The following SFRP4 variants were observed in gnomAD, a reference collection of about 807,000 sequenced individuals.
SFRP4 encodes secreted frizzled related protein 4, also known as secreted frizzled-related protein 4.
Under a neutral mutation model 36.3 loss-of-function variants are expected in SFRP4, and 25 were observed. The observed-to-expected ratio is 0.69, with a 90% CI of 0.50 to 0.96. The LOEUF (loss-of-function observed/expected upper bound fraction) is 0.96. Ranked by LOEUF, SFRP4 falls within the 40% of genes least tolerant of loss-of-function variation. The pLI is 0.00. For missense variants in SFRP4, 487 were observed against 459.6 expected, an observed-to-expected ratio of 1.06 and a Z score of -0.54; for synonymous variants, 182 against 168.8, an observed-to-expected ratio of 1.08 and a Z score of -0.60.
At position 37,914,281 on chromosome 7, in the gene SFRP4, A is replaced by G. The variant is rs754471930; in HGVS notation, c.527-3T>C. 11 of 1,613,396 alleles carry G rather than the reference A, an allele frequency of 6.8e-6. No individual in the cohort carries two copies. In the East Asian group the frequency reaches 2.5e-4, roughly 36 times the overall value. On this transcript the variant is annotated splice_polypyrimidine_tract_variant and splice_region_variant and intron_variant, in intron 2 of 5. Transcript: ENST00000436072. ...CACCTTTTTACACTTGCACCGATCT[A>G]AAAAAGGCAGAAGAGGCAGAAAGTT...
chr7:37,914,262 T>C lies in SFRP4; in HGVS notation c.543A>G (p.Lys181=). ...ACGTTGCCAAAGTTGGCTTCACCTT[T>C]TTACACTTGCACCGATCTAAAAAAG... ...KRLSPDRCKC[K]KVKPTLATYL... is the part of the protein sequence containing the mutation. Residue 181 remains lysine (K), a synonymous_variant, in exon 3 of 6, where the codon AAA becomes AAG. Transcript: ENST00000436072. 6.2e-7 allele frequency: 1 copy of C among 1,614,196 alleles called. No homozygotes were observed. Among genetic ancestry groups the C allele is most frequent in the South Asian group, 1.1e-5 (1 of 91,078 alleles).
chr7:37,915,051 A>G (rs1162390230), intron 1 of SFRP4, among the ~76,000 whole-genome samples: 3 of 152,202 alleles, frequency 2.0e-5, no homozygotes, highest in Admixed American at 6.5e-5. Flanking sequence ...ACCAAACTGG[A>G]TAAATCACAT....
chr7:37,907,638 C>T lies in SFRP4; in HGVS notation c.882G>A (p.Gln294=). ...TCTTCTTGTCCTGAACTGTTCTCCG[C>T]TGTTCCTGCAGCCTCTCTTCCCACT... ...SIQWEERLQE[Q]RRTVQDKKKT... is the part of the protein sequence containing the mutation. Residue 294 remains glutamine, a synonymous_variant, in exon 6 of 6, where the codon CAG becomes CAA. Transcript: ENST00000436072. The T allele has an allele frequency of 1.9e-6, 3 of 1,612,116 alleles. No homozygotes were observed. Among genetic ancestry groups the T allele is most frequent in the Non-Finnish European group, 2.5e-6 (3 of 1,179,408 alleles).
chr7:37,916,694 G>C lies in SFRP4; in HGVS notation c.-157C>G. 8.5e-7 allele frequency: 1 copy of C among 1,177,160 alleles called. No individual in the cohort carries two copies. The highest frequency in any genetic ancestry group is 1.2e-6 in the Non-Finnish European group (1 of 860,760). The allele number at this position is 1,177,160 out of a possible 1,614,324, so 72.9% of individuals were successfully genotyped here. The stretch of plus-strand genomic sequence containing the variant: ...CCAGTCGGCAGCAAAGCGGGGCCGC[G>C]GGGTCCGGCCGCGGAGCTCCGCCGT... On this transcript the variant is annotated 5_prime_UTR_variant, in exon 1 of 6. Coordinates refer to ENST00000436072, the MANE Select transcript of SFRP4 (RefSeq NM_003014.4). The surrounding 1 kb of genome is among the most constrained non-coding windows in gnomAD (Gnocchi z 4.1).
chr7:37,916,304 AC>A lies in SFRP4; in HGVS notation c.233del (p.Cys78LeufsTer35), dbSNP rs1281712747. 2 of 1,614,144 alleles carry A rather than the reference AC, an allele frequency of 1.2e-6. No homozygotes were observed. Among genetic ancestry groups the A allele is most frequent in the Non-Finnish European group, 1.7e-6 (2 of 1,180,012 alleles). ...NCSAVLRFFL[C>X]AMYAPICTLE... ...GGGTGCAAATGGGCGCGTACATGGC[AC>A]AGAGGAAGAAGCGCAGCACGGCGCT... On this transcript the variant is annotated frameshift_variant, in exon 1 of 6. Coordinates refer to ENST00000436072, the MANE Select transcript of SFRP4 (RefSeq NM_003014.4). LOFTEE classifies it high-confidence loss of function. This position sits in a 1 kb window ranked among gnomAD's most constrained non-coding sequence, Gnocchi z 4.1.
intron 3 of SFRP4, among the ~76,000 whole-genome samples, chr7:37,912,521 G>A (rs1040498753): frequency 6.6e-6 from 1 of 152,160 alleles, no homozygotes; most frequent in African/African-American, 2.4e-5. Context: ...TGTCTTAAAT[G>A]TTCCGGGGCA....
At position 37,912,444 on chromosome 7, in the gene SFRP4, GCC is replaced by G. The variant is rs1303497576; in HGVS notation, c.593-129_593-128del. The stretch of plus-strand genomic sequence containing the variant: ...CTGTAATTATGGTTATGTCCAAGTG[GCC>G]TGAGTGCAGGCAAACAGCCCACACA... On this transcript the variant is annotated intron_variant, in intron 3 of 5. Transcript: ENST00000436072. The G allele has an allele frequency of 2.7e-5, 20 of 730,802 alleles. No homozygotes were observed. The East Asian group carries it at 4.9e-4, about 18-fold the overall frequency. 45.3% of individuals were successfully genotyped at this position (730,802 alleles called of 1,614,324 possible). A position where few individuals can be genotyped will look rare whatever the true frequency, so the allele number is the denominator to read the frequency against.
chr7:37,911,365 A>T (rs1785482621), intron 4 of SFRP4, among the ~76,000 whole-genome samples: 1 of 152,328 alleles, frequency 6.6e-6, no homozygotes, highest in East Asian at 1.9e-4. Flanking sequence ...AATGGGAGGG[A>T]TGCCTTGTTA....
intron 3 of SFRP4, among the ~76,000 whole-genome samples, 199 bp downstream of exon 3, chr7:37,914,014 T>C (rs1301361128): frequency 5.3e-5 from 8 of 152,250 alleles, no homozygotes; most frequent in Non-Finnish European, 1.2e-4. Context: ...TGTTTGCACT[T>C]GATTCATCCA....
In SFRP4 at chr7:37,907,429, G is replaced by T; in HGVS notation, c.*50C>A. ...CATAGGCTGTCCCAGGCAATGCCCA[G>T]CCTCATCCTGTAAGGAAGTCGGAAG... On this transcript the variant is annotated 3_prime_UTR_variant, in exon 6 of 6. Transcript: ENST00000436072. 1 of 1,542,964 alleles carries T rather than the reference G, an allele frequency of 6.5e-7. No homozygotes were observed. The highest frequency in any genetic ancestry group is 8.9e-7 in the Non-Finnish European group (1 of 1,128,762).
At position 37,915,654 on chromosome 7, in the gene SFRP4, G is replaced by A. The variant is rs534591993; in HGVS notation, c.445+439C>T. 2.8e-5 allele frequency among the ~76,000 whole-genome samples: 3 copies of A among 106,076 alleles called. No homozygotes were observed. The South Asian group carries it at 1.3e-3, about 46-fold the overall frequency. The allele number at this position is 106,076 out of a possible 152,430, so 69.6% of individuals were successfully genotyped here. A position where few individuals can be genotyped will look rare whatever the true frequency, so the allele number is the denominator to read the frequency against. On this transcript the variant is annotated intron_variant, in intron 1 of 5. Transcript: ENST00000436072. ...CTGGTGGGAAGCAATGACCGTTACT[G>A]CTTTTTCAGAAAAAAAAAAACTTTT...
chr7:37,912,049 A>G, intron 4 of SFRP4, 70 bp downstream of exon 4: 1 of 1,217,438 alleles, frequency 8.2e-7, no homozygotes. Context: ...TTTTTAAACC[A>G]TGACTGCTAA....
chr7:37,916,779 G>A lies in SFRP4; in HGVS notation c.-242C>T, dbSNP rs910509669. The A allele has an allele frequency of 4.9e-6, 3 of 606,498 alleles. No individual in the cohort carries two copies. Among genetic ancestry groups the A allele is most frequent in the Non-Finnish European group, 8.6e-6 (3 of 347,002 alleles). 37.6% of individuals were successfully genotyped at this position (606,498 alleles called of 1,614,324 possible). On this transcript the variant is annotated 5_prime_UTR_variant, in exon 1 of 6. Transcript: ENST00000436072. The surrounding 1 kb of genome is among the most constrained non-coding windows in gnomAD (Gnocchi z 4.1). ...GCCTTCGGGGCGCGAACCCGCCCGG[G>A]CAGCTCCAGTCCCGGACTCCGCAGC...
intron 1 of SFRP4, among the ~76,000 whole-genome samples, chr7:37,915,001 G>A (rs1286065556): frequency 1.3e-5 from 2 of 152,152 alleles, no homozygotes; most frequent in Non-Finnish European, 2.9e-5. Flanking sequence ...AGCACAAATC[G>A]ATGTGAATGT....
At chr7:37,909,462 A>G (rs957625123) in intron 5 of SFRP4, among the ~76,000 whole-genome samples, 155 bp downstream of exon 5, 31 of 152,292 alleles carry the variant, frequency 2.0e-4, no homozygotes, top group African/African-American at 6.3e-4. Context: ...GAGAATAGCT[A>G]CACTCTTAAC....
intron 5 of SFRP4, among the ~76,000 whole-genome samples, chr7:37,909,112 G>A (rs2722322): frequency 0.22 from 32,690 of 151,918 alleles, 3,890 homozygotes; most frequent in South Asian, 0.4. Context: ...ATATTTCTAC[G>A]ATGTTACCAC....
chr7:37,913,248 T>A (rs914174123), intron 3 of SFRP4, among the ~76,000 whole-genome samples: 5 of 152,222 alleles, frequency 3.3e-5, no homozygotes, highest in African/African-American at 1.2e-4. Flanking sequence ...TAAATATGAT[T>A]CTTAAATCTG....
chr7:37,907,613 T>C lies in SFRP4; in HGVS notation c.907A>G (p.Lys303Glu). 6.2e-7 allele frequency: 1 copy of C among 1,613,890 alleles called. No individual in the cohort carries two copies. The highest frequency in any genetic ancestry group is 8.5e-7 in the Non-Finnish European group (1 of 1,179,924). ...CTACGACTGGTGCGCCCGGCTGTTTTCTTCTTGTCCTGAACTGTTCTCCGC... is the reference window on the plus strand; with the variant it reads ...CTACGACTGGTGCGCCCGGCTGTTTCCTTCTTGTCCTGAACTGTTCTCCGC... Reference protein sequence around the residue: ...EQRRTVQDKKKTAGRTSRSNP... With the variant: ...EQRRTVQDKKETAGRTSRSNP... The change falls in exon 6 of 6, where the codon AAA (lysine) becomes GAA (glutamate). Residue 303 changes from lysine to glutamate, a missense_variant. Lys to Glu is a moderately conservative substitution (Grantham distance 56). Coordinates refer to ENST00000436072, the MANE Select transcript of SFRP4 (RefSeq NM_003014.4).
rs140322341 is a variant in SFRP4, at chr7:37,907,629, T to C, written c.891A>G (p.Thr297=). 6 of 1,611,616 alleles carry C rather than the reference T, an allele frequency of 3.7e-6. No individual in the cohort carries two copies. Among genetic ancestry groups the C allele is most frequent in the Non-Finnish European group, 4.2e-6 (5 of 1,179,242 alleles). The change falls in exon 6 of 6, where the codon ACA becomes ACG. Residue 297 remains threonine, a synonymous_variant. Coordinates refer to ENST00000436072, the MANE Select transcript of SFRP4 (RefSeq NM_003014.4). ...CGGCTGTTTTCTTCTTGTCCTGAAC[T>C]GTTCTCCGCTGTTCCTGCAGCCTCT... ...WEERLQEQRR[T]VQDKKKTAGR...
Sources: gnomAD v4.1 joint callset for allele counts (sites outside exome capture counted in the v4.1 genomes callset) on GRCh38, gnomAD v4.1.1 for gene constraint, Gnocchi (gnomAD v3.1) non-coding constraint, MANE v1.5 for transcripts, NCBI Gene and HGNC (gene_info 2026-07-23, HGNC 2026-07-21) for gene names.